ANO1: variants seen among roughly 807,000 people sequenced by gnomAD.
The protein encoded by ANO1 is anoctamin 1.
Under a neutral mutation model 124.0 loss-of-function variants are expected in ANO1, and 59 were observed. The ratio of observed to expected loss-of-function variants is 0.48; its 90% CI spans 0.39 to 0.59. The LOEUF (loss-of-function observed/expected upper bound fraction) is 0.59. Among genes scored for constraint, ANO1 ranks in the 20% least tolerant of loss-of-function variants. ANO1 has a pLI of 0.00. For synonymous variants in ANO1, 529 were observed against 532.0 expected, an observed-to-expected ratio of 0.99 and a Z score of 0.08; for missense variants, 1,059 against 1,328.0, an observed-to-expected ratio of 0.80 and a Z score of 3.15.
chr11:70,008,550 A>G (rs1555000484), intron 1 of ANO1, among the ~76,000 whole-genome samples: 2 of 151,832 alleles, frequency 1.3e-5, no homozygotes, highest in African/African-American at 4.8e-5. Flanking sequence ...TCATTTGACC[A>G]TGTCCAGGAG....
At chr11:70,019,501 T>C (rs868972396) in intron 1 of ANO1, among the ~76,000 whole-genome samples, 13 of 152,104 alleles carry the variant, frequency 8.5e-5, no homozygotes, top group Non-Finnish European at 1.3e-4. Context: ...GCCCTCTGGG[T>C]GTGCAGGAGC....
intron 11 of ANO1, among the ~76,000 whole-genome samples, chr11:70,134,140 G>A (rs1590823721): frequency 6.6e-6 from 1 of 152,178 alleles, no homozygotes; most frequent in East Asian, 1.9e-4. Context: ...GAGGCACCTC[G>A]CTGCAGCCCC....
chr11:70,026,081 A>ACAATGG, intron 1 of ANO1, among the ~76,000 whole-genome samples: 1 of 120,640 alleles, frequency 8.3e-6, no homozygotes, highest in East Asian at 2.9e-4. Flanking sequence ...GGTGGTGATG[A>ACAATGG]TGATGATGAT....
intron 1 of ANO1, among the ~76,000 whole-genome samples, chr11:70,084,058 G>A (rs1356297447): frequency 6.6e-6 from 1 of 152,174 alleles, no homozygotes; most frequent in Non-Finnish European, 1.5e-5. Flanking sequence ...AGGAGGGACT[G>A]GGGAAGGCCT....
chr11:70,115,486 A>G (rs961663079), intron 7 of ANO1, among the ~76,000 whole-genome samples: 3 of 151,956 alleles, frequency 2.0e-5, no homozygotes, highest in African/African-American at 7.3e-5. Flanking sequence ...GGTGGTGGGC[A>G]CCCGTAGTCC....
chr11:70,081,770 G>A (rs2044209511), intron 1 of ANO1, among the ~76,000 whole-genome samples: 1 of 152,188 alleles, frequency 6.6e-6, no homozygotes, highest in African/African-American at 2.4e-5. Context: ...TTTGAGGAAG[G>A]GGTTCATAGA....
chr11:70,153,986 G>A (rs1194348636), intron 14 of ANO1, among the ~76,000 whole-genome samples: 2 of 151,908 alleles, frequency 1.3e-5, no homozygotes, highest in Admixed American at 6.6e-5. Flanking sequence ...GGCTGGTCTC[G>A]AACTCCTGAC....
Position 70,189,396 on chromosome 11 carries a change from T to C in ANO1, c.*1392T>C, listed in dbSNP as rs982225842. ...TAAGTAGTTTGAAGTGGGTTTTGTA[T>C]ATAAATACTGTATTAAAAATTAGGC... On this transcript the variant is annotated 3_prime_UTR_variant, in exon 26 of 26. Transcript: ENST00000355303. 6.6e-6 allele frequency: 1 copy of C among 152,668 alleles called. No homozygotes were observed. The highest frequency in any genetic ancestry group is 2.4e-5 in the African/African-American group (1 of 41,464). 9.5% of individuals were successfully genotyped at this position (152,668 alleles called of 1,614,324 possible). A position where few individuals can be genotyped will look rare whatever the true frequency, so the allele number is the denominator to read the frequency against.
At chr11:70,111,579 C>A (rs1164314861) in intron 6 of ANO1, 128 bp from the exon 7 acceptor site, 2 of 851,276 alleles carry the variant, frequency 2.3e-6, no homozygotes, top group Non-Finnish European at 3.9e-6. Flanking sequence ...CCGGGCTCTG[C>A]GTAGTCAGGT....
In ANO1 at chr11:70,010,148, T is replaced by TGCGCGCGCGC. The variant is rs1591031734; in HGVS notation, c.58+23983_58+23984insCGCGCGCGCG. ...TAGTATTCCATGGTGTGTGTGTGTG[T>TGCGCGCGCGC]GTGTGTGTGTGTGTGTGCGCGTGTG... is the stretch of plus-strand genomic sequence containing the variant. On this transcript the variant is annotated intron_variant, in intron 1 of 27. Transcript: ENST00000531349. Among the ~76,000 whole-genome samples, 122 of 60,880 alleles carry TGCGCGCGCGC rather than the reference T, an allele frequency of 2.0e-3. 9 individuals are homozygous for TGCGCGCGCGC. The East Asian group carries it at 0.078, about 39-fold the overall frequency. The allele number at this position is 60,880 out of a possible 152,430, so 39.9% of individuals were successfully genotyped here.
intron 15 of ANO1, 92 bp from the exon 16 acceptor site, chr11:70,156,855 C>CCATG: frequency 9.0e-7 from 1 of 1,109,660 alleles, no homozygotes; most frequent in Non-Finnish European, 1.3e-6. Context: ...GTCCCTGGGC[C>CCATG]CATGCACGCA....
At chr11:70,024,832 CA>C (rs1249140143) in intron 1 of ANO1, among the ~76,000 whole-genome samples, 1 of 133,844 alleles carries the variant, frequency 7.5e-6, no homozygotes, top group Non-Finnish European at 1.7e-5. Context: ...CTGGGCCTAG[CA>C]GGGGGGCACA....
chr11:69,966,606 C>G, the ANO1 span, among the ~76,000 whole-genome samples: 1 of 152,048 alleles, frequency 6.6e-6, no homozygotes, highest in Non-Finnish European at 1.5e-5. Flanking sequence ...GATGGAAGAG[C>G]TGGCGATGGA....
At chr11:70,122,818 C>T (rs75375906) in intron 8 of ANO1, among the ~76,000 whole-genome samples, 4,187 of 152,218 alleles carry the variant, frequency 0.028, 65 homozygotes, top group African/African-American at 0.032. Flanking sequence ...CCGCATCTTC[C>T]ACCTGTCTAT....
chr11:69,968,799 C>T, the ANO1 span, among the ~76,000 whole-genome samples: 1 of 152,212 alleles, frequency 6.6e-6, no homozygotes, highest in African/African-American at 2.4e-5. Context: ...GGATTTCTGT[C>T]CAGGAGCAGC....
chr11:70,149,800 G>A lies in ANO1; in HGVS notation c.1341+8G>A, dbSNP rs774865977. The A allele has an allele frequency of 3.1e-6, 5 of 1,613,110 alleles. No individual in the cohort carries two copies. The highest frequency in any genetic ancestry group is 4.2e-6 in the Non-Finnish European group (5 of 1,179,592). On this transcript the variant is annotated splice_region_variant and intron_variant, in intron 12 of 25. Coordinates refer to ENST00000355303, the MANE Select transcript of ANO1 (RefSeq NM_018043.7). ...GGCTTTGAAGAGGAAGAGGTCAGTGGGTTTGCCGCCGTGCATATCACGCCC... is the reference window on the plus strand; with the variant it reads ...GGCTTTGAAGAGGAAGAGGTCAGTGAGTTTGCCGCCGTGCATATCACGCCC...
At chr11:70,095,784 T>C (rs561461837) in intron 2 of ANO1, among the ~76,000 whole-genome samples, 8 of 152,362 alleles carry the variant, frequency 5.3e-5, no homozygotes, top group Admixed American at 2.0e-4. Context: ...ACCAGCATCT[T>C]CTTGCACCAG....
intron 19 of ANO1, 44 bp downstream of exon 19, chr11:70,163,384 C>T (rs771056081): frequency 9.3e-6 from 15 of 1,606,056 alleles, no homozygotes; most frequent in East Asian, 8.9e-5. Flanking sequence ...TTCTGTCTTG[C>T]TTACGATTTG....
At chr11:70,110,708 C>T (rs1057249702) in intron 6 of ANO1, among the ~76,000 whole-genome samples, 8 of 152,192 alleles carry the variant, frequency 5.3e-5, no homozygotes, top group African/African-American at 9.6e-5. Context: ...AAAAACTTAA[C>T]GCTCTTACTG....
Sources: allele counts gnomAD v4.1 joint callset (sites outside exome capture counted in the v4.1 genomes callset), GRCh38; gene constraint gnomAD v4.1.1; transcripts MANE v1.5; gene names NCBI Gene and HGNC (gene_info 2026-07-23, HGNC 2026-07-21).